The following TMC7 variants were observed in gnomAD, a reference collection of about 807,000 sequenced individuals.
TMC7 encodes transmembrane channel-like protein 7.
In TMC7, 54 loss-of-function variants were observed where a neutral mutation model predicts 82.9. That is an observed-to-expected ratio of 0.65 (90% CI 0.52 to 0.82). The LOEUF (loss-of-function observed/expected upper bound fraction) is 0.82. Ranked by LOEUF, TMC7 falls within the 40% of genes least tolerant of loss-of-function variation. The probability of loss-of-function intolerance (pLI) is 0.00; values close to 1 mark genes in which losing one functional copy is unlikely to be tolerated. For synonymous variants in TMC7, 350 were observed against 337.9 expected (o/e 1.04, Z -0.39); for missense variants, 820 against 901.2 (o/e 0.91, Z 1.15).
At chr16:19,057,334 G>T (rs1329795468) in intron 14 of TMC7, among the ~76,000 whole-genome samples, 1 of 152,104 alleles carries the variant, frequency 6.6e-6, no homozygotes, top group Non-Finnish European at 1.5e-5. Flanking sequence ...TCTGAGCAGA[G>T]AGATGAACAT....
chr16:18,996,674 C>A (rs756883030), intron 1 of TMC7, among the ~76,000 whole-genome samples: 1 of 152,112 alleles, frequency 6.6e-6, no homozygotes, highest in Non-Finnish European at 1.5e-5. Flanking sequence ...TAGTGAAGGA[C>A]GTTAGTTTAA....
chr16:18,989,831 T>TG lies in TMC7; in HGVS notation c.67+5701_67+5702insG, dbSNP rs1467156647. On this transcript the variant is annotated intron_variant, in intron 1 of 15. Transcript: ENST00000304381. ...TCGGGGGGAGGCGACTCCTTTTTTT[T>TG]ATTTTTTTTGAGATGATATCTAGCT... 1.1e-4 allele frequency among the ~76,000 whole-genome samples: 16 copies of TG among 151,178 alleles called. 1 individual carries two copies. The highest frequency in any genetic ancestry group is 1.1e-3 in the Admixed American group (16 of 15,194).
intron 9 of TMC7, among the ~76,000 whole-genome samples, chr16:19,044,285 T>C (rs1961158455): frequency 6.6e-6 from 1 of 152,154 alleles, no homozygotes; most frequent in South Asian, 2.1e-4. Flanking sequence ...TCCTCTGGGC[T>C]CAAGCAATCC....
At chr16:19,031,395 G>A (rs1270586884) in intron 6 of TMC7, among the ~76,000 whole-genome samples, 1 of 152,198 alleles carries the variant, frequency 6.6e-6, no homozygotes, top group African/African-American at 2.4e-5. Context: ...CTTTTCCTGT[G>A]GGAGACAAGT....
chr16:19,014,555 G>A (rs189379456), intron 2 of TMC7, among the ~76,000 whole-genome samples: 6 of 152,318 alleles, frequency 3.9e-5, no homozygotes, highest in African/African-American at 1.4e-4. Flanking sequence ...CATATGCCAT[G>A]GATGGCTGGC....
chr16:19,011,102 A>G (rs1172294741), intron 2 of TMC7, among the ~76,000 whole-genome samples: 1 of 152,168 alleles, frequency 6.6e-6, no homozygotes, highest in African/African-American at 2.4e-5. Flanking sequence ...GGAGTGGGTT[A>G]AGAGCCAAGT....
intron 2 of TMC7, 94 bp downstream of exon 2, chr16:19,009,509 A>C (rs1427636324): frequency 4.1e-6 from 6 of 1,467,390 alleles, no homozygotes; most frequent in Non-Finnish European, 4.5e-6. Context: ...GAGCTCATAT[A>C]ATTAAAATTT....
At chr16:19,051,392 T>C (rs1005119147) in intron 12 of TMC7, among the ~76,000 whole-genome samples, 3 of 148,074 alleles carry the variant, frequency 2.0e-5, no homozygotes, top group Non-Finnish European at 4.5e-5. Flanking sequence ...CCTAATGCTA[T>C]CCCTCCCCCC....
rs150993225 is a variant in TMC7 at position 19,024,802 on chromosome 16, C to T, written c.711+1607C>T. Among the ~76,000 whole-genome samples the T allele has an allele frequency of 3.4e-3, 515 of 152,102 alleles. 1 individual carries two copies. Among genetic ancestry groups the T allele is most frequent in the African/African-American group, 0.012 (481 of 41,502 alleles). ...TGGGTGGGTCACAAGGTCAGAAGAT[C>T]GAGACCATCCTGGCTAACACGGTAA... On this transcript the variant is annotated intron_variant, in intron 5 of 15. Transcript: ENST00000304381.
In TMC7 at chr16:19,051,815, C is replaced by T. The variant is rs371960688; in HGVS notation, c.1870C>T (p.Arg624Cys). The T allele has an allele frequency of 2.3e-5, 37 of 1,613,780 alleles. No homozygotes were observed. The highest frequency in any genetic ancestry group is 2.9e-5 in the Non-Finnish European group (34 of 1,179,932). Residue 624 changes from arginine to cysteine, a missense_variant and splice_region_variant, in exon 13 of 16, where the codon CGC (arginine) becomes TGC (cysteine). Physicochemically the swap from Arg to Cys is radical, Grantham distance 180. Coordinates refer to ENST00000304381, the MANE Select transcript of TMC7 (RefSeq NM_024847.4). ...AIIPLTISIS[R>C]IPSSKACGPF... ...AATACCTCTGACAATCAGCATATCA[C>T]GGTAAATGTGACTTTGTTTTCTAGA... is the stretch of plus-strand genomic sequence containing the variant.
At chr16:19,022,078 C>T (rs1404470447) in intron 4 of TMC7, among the ~76,000 whole-genome samples, 1 of 152,170 alleles carries the variant, frequency 6.6e-6, no homozygotes, top group Non-Finnish European at 1.5e-5. Context: ...TGCTCTGGAG[C>T]CCAAGCTGAT....
chr16:19,007,748 C>A (rs1183040310), intron 1 of TMC7, among the ~76,000 whole-genome samples: 1 of 151,120 alleles, frequency 6.6e-6, no homozygotes, highest in Non-Finnish European at 1.5e-5. Context: ...TTACCCCTCT[C>A]ATATCACCTC....
intron 6 of TMC7, 110 bp from the exon 7 acceptor site, chr16:19,035,566 G>A: frequency 1.5e-6 from 2 of 1,304,250 alleles, no homozygotes; most frequent in Non-Finnish European, 2.2e-6. Context: ...ATGTCACAAT[G>A]GGCTGAAAAT....
At chr16:19,027,061 CTTTTT>C (rs35769515) in intron 5 of TMC7, among the ~76,000 whole-genome samples, 11 of 56,566 alleles carry the variant, frequency 1.9e-4, no homozygotes, top group East Asian at 7.5e-4. Flanking sequence ...CACACCTGAC[CTTTTT>C]TTTTTTTTTT....
In TMC7 at chr16:19,044,881, A is replaced by G; in HGVS notation, c.1338-3A>G. ...CCCATCCTCTCTCCTTCTCTCCCCG[A>G]AGGTGTGTCTTTATGCGGCTGGCCA... On this transcript the variant is annotated splice_polypyrimidine_tract_variant and splice_region_variant and intron_variant, in intron 9 of 15. Coordinates refer to ENST00000304381, the MANE Select transcript of TMC7 (RefSeq NM_024847.4). 3 of 1,612,320 alleles carry G rather than the reference A, an allele frequency of 1.9e-6. No homozygotes were observed. Among genetic ancestry groups the G allele is most frequent in the Non-Finnish European group, 2.5e-6 (3 of 1,178,978 alleles).
rs1959995205 is a variant in TMC7, at chr16:19,021,885, C to G, written c.628+89C>G. 12 of 1,464,848 alleles carry G rather than the reference C, an allele frequency of 8.2e-6. No homozygotes were observed. In the East Asian group the frequency reaches 1.8e-4, roughly 22 times the overall value. 90.7% of individuals were successfully genotyped at this position (1,464,848 alleles called of 1,614,324 possible). A position where few individuals can be genotyped will look rare whatever the true frequency, so the allele number is the denominator to read the frequency against. On this transcript the variant is annotated intron_variant, in intron 4 of 15. Coordinates refer to ENST00000304381, the MANE Select transcript of TMC7 (RefSeq NM_024847.4). ...GCTTCCTTTGCTAAGAATCTTTATT[C>G]TAATTCTTGGGCGACTGTATTAGTC...
chr16:19,029,101 G>T (rs985747053), intron 5 of TMC7, among the ~76,000 whole-genome samples: 5 of 151,832 alleles, frequency 3.3e-5, no homozygotes, highest in Middle Eastern at 6.9e-3. Flanking sequence ...CGCCTCCCGG[G>T]TTCACACCAT....
intron 1 of TMC7, among the ~76,000 whole-genome samples, chr16:18,998,228 A>G (rs1273810457): frequency 6.6e-6 from 1 of 152,226 alleles, no homozygotes; most frequent in African/African-American, 2.4e-5. Context: ...TCCTCAGGAC[A>G]GCTATAGGAG....
At chr16:19,032,616 G>C (rs1490943618) in intron 6 of TMC7, among the ~76,000 whole-genome samples, 1 of 151,226 alleles carries the variant, frequency 6.6e-6, no homozygotes, top group Non-Finnish European at 1.5e-5. Context: ...GGGCCCTGAA[G>C]AATGAAGAAG....
Sources: allele counts gnomAD v4.1 joint callset (sites outside exome capture counted in the v4.1 genomes callset), GRCh38; gene constraint gnomAD v4.1.1; transcripts MANE v1.5; gene names NCBI Gene and HGNC (gene_info 2026-07-23, HGNC 2026-07-21).